ZNF697: variants seen among roughly 807,000 people sequenced by gnomAD.
ZNF697 encodes the protein zinc finger protein 697.
ZNF697 carries 23 observed loss-of-function variants against 32.4 expected under a neutral mutation model. That is an observed-to-expected ratio of 0.71 (90% CI 0.51 to 1.01). ZNF697 has a LOEUF of 1.01. Ranked by LOEUF, ZNF697 falls within the 50% of genes least tolerant of loss-of-function variation. ZNF697 has a pLI of 0.00. For missense variants in ZNF697, 930 were observed against 794.0 expected (o/e 1.17, Z -2.06); for synonymous variants, 418 against 337.2 (o/e 1.24, Z -2.62).
In ZNF697 at chr1:119,620,067, T is replaced by C. The variant is rs1462165329; in HGVS notation, c.*2638A>G. The C allele has an allele frequency of 6.6e-6, 1 of 152,614 alleles. No individual in the cohort carries two copies. Among genetic ancestry groups the C allele is most frequent in the Non-Finnish European group, 1.5e-5 (1 of 68,030 alleles). 9.5% of individuals were successfully genotyped at this position (152,614 alleles called of 1,614,324 possible). ...CCTCACTTAATGCAGGTAAGTTCCC[T>C]GAAGAATTGTAAGAAAAAATGGAAT... On this transcript the variant is annotated 3_prime_UTR_variant, in exon 3 of 3. Coordinates refer to ENST00000421812, the MANE Select transcript of ZNF697 (RefSeq NM_001080470.2).
intron 1 of ZNF697, among the ~76,000 whole-genome samples, chr1:119,639,905 T>C (rs866048656): frequency 1.3e-5 from 2 of 152,172 alleles, no homozygotes; most frequent in Non-Finnish European, 2.9e-5. Context: ...ACGACCTGTG[T>C]GAATCCAGTC....
intron 1 of ZNF697, among the ~76,000 whole-genome samples, chr1:119,631,495 G>A (rs1212386355): frequency 6.6e-6 from 1 of 152,248 alleles, no homozygotes; most frequent in Non-Finnish European, 1.5e-5. Flanking sequence ...ACTGGAAGAG[G>A]AAGGCCAGTT....
At position 119,623,510 on chromosome 1, in the gene ZNF697, T is replaced by G. The variant is rs1648437879; in HGVS notation, c.833A>C (p.Asn278Thr). 6.4e-7 allele frequency: 1 copy of G among 1,569,440 alleles called. No homozygotes were observed. Among genetic ancestry groups the G allele is most frequent in the Non-Finnish European group, 8.6e-7 (1 of 1,159,184 alleles). Residue 278 changes from asparagine to threonine, a missense_variant, in exon 3 of 3, where the codon AAC becomes ACC. Asn to Thr is a moderately conservative substitution (Grantham distance 65, BLOSUM62 0). Transcript: ENST00000421812. ...CTCGCCCGTGTGCAGGCGCAGGTGGTTGGTCAGGTAGGTGTTGCGGCTGAA... is the reference window on the plus strand; with the variant it reads ...CTCGCCCGTGTGCAGGCGCAGGTGGGTGGTCAGGTAGGTGTTGCGGCTGAA... ...KGFSRNTYLT[N>T]HLRLHTGERP...
In ZNF697 at chr1:119,621,982, G is replaced by C. The variant is rs1648336142; in HGVS notation, c.*723C>G. The stretch of plus-strand genomic sequence containing the variant: ...ACCACCTTGACCCAGCATGAAGCTA[G>C]AGTATTTTCAAGGAAGTAGCAAAGA... On this transcript the variant is annotated 3_prime_UTR_variant, in exon 3 of 3. Coordinates refer to ENST00000421812, the MANE Select transcript of ZNF697 (RefSeq NM_001080470.2). 1.3e-5 allele frequency: 2 copies of C among 152,732 alleles called. No homozygotes were observed. The highest frequency in any genetic ancestry group is 4.1e-4 in the South Asian group (2 of 4,826). 9.5% of individuals were successfully genotyped at this position (152,732 alleles called of 1,614,324 possible).
At chr1:119,636,480 A>G (rs1648925446) in intron 1 of ZNF697, among the ~76,000 whole-genome samples, 1 of 152,222 alleles carries the variant, frequency 6.6e-6, no homozygotes, top group Non-Finnish European at 1.5e-5. Flanking sequence ...ACTATATGCC[A>G]CAAGATCTTT....
intron 1 of ZNF697, among the ~76,000 whole-genome samples, chr1:119,627,610 C>A (rs2101082926): frequency 6.6e-6 from 1 of 152,322 alleles, no homozygotes; most frequent in South Asian, 2.1e-4. Flanking sequence ...GCTAGCCCCT[C>A]TGTAATTTTG....
chr1:119,643,983 A>G (rs1197663688), intron 1 of ZNF697, among the ~76,000 whole-genome samples: 2 of 152,206 alleles, frequency 1.3e-5, no homozygotes, highest in Admixed American at 6.5e-5. Flanking sequence ...TCGTGCCTCC[A>G]TTTCTGCATT....
rs1326300309 is a variant in ZNF697, at chr1:119,624,113, C to T, written c.230G>A (p.Gly77Glu). The T allele has an allele frequency of 1.9e-6, 3 of 1,557,786 alleles. No homozygotes were observed. Among genetic ancestry groups the T allele is most frequent in the Non-Finnish European group, 2.6e-6 (3 of 1,149,738 alleles). The change falls in exon 3 of 3, where the codon GGG becomes GAG. Residue 77 changes from glycine to glutamate, a missense_variant. Gly to Glu is a moderately conservative substitution (Grantham distance 98). Coordinates refer to ENST00000421812, the MANE Select transcript of ZNF697 (RefSeq NM_001080470.2). The part of the protein sequence containing the change: ...REAVPDICTE[G>E]QLSEEEGVSV... ...AACGCCTTCTTCCTCACTCAGCTGC[C>T]CCTCTGCAACAGAAAAAGGTGGCAG...
rs1648258295 is a variant in ZNF697 at position 119,619,991 on chromosome 1, A to C, written c.*2714T>G. 1 of 134,272 alleles carries C rather than the reference A, an allele frequency of 7.4e-6. No individual in the cohort carries two copies. Among genetic ancestry groups the C allele is most frequent in the East Asian group, 2.2e-4 (1 of 4,462 alleles). The allele number at this position is 134,272 out of a possible 1,614,324, so 8.3% of individuals were successfully genotyped here. Reference sequence around the variant, plus strand: ...AGTTAGCAGGGTTTGCCGAAGAAATATTATTCTAAAACTAGATAGAAGAAA... The same window carrying C: ...AGTTAGCAGGGTTTGCCGAAGAAATCTTATTCTAAAACTAGATAGAAGAAA... On this transcript the variant is annotated 3_prime_UTR_variant, in exon 3 of 3. Transcript: ENST00000421812.
chr1:119,631,600 C>T (rs1264939489), intron 1 of ZNF697, among the ~76,000 whole-genome samples: 1 of 151,948 alleles, frequency 6.6e-6, no homozygotes, highest in Non-Finnish European at 1.5e-5. Context: ...TTGGGCCCCG[C>T]TTGGGCCCCG....
rs756376584 is a variant in ZNF697, at chr1:119,623,045, C to A, written c.1298G>T (p.Gly433Val). The change falls in exon 3 of 3, where the codon GGT becomes GTT. Residue 433 changes from glycine (G) to valine (V), a missense_variant. Transcript: ENST00000421812. ...CTCGCGGCACACGTAGGGCCGCTCA[C>A]CCGAGTGCGTGCGCTTGTGCGTGAA... ...HLFTHKRTHSGERPYVCRECG... is the reference protein window; with the variant it reads ...HLFTHKRTHSVERPYVCRECG... 9 of 1,588,948 alleles carry A rather than the reference C, an allele frequency of 5.7e-6. No individual in the cohort carries two copies.
In ZNF697 at chr1:119,621,887, C is replaced by G. The variant is rs923388470; in HGVS notation, c.*818G>C. On this transcript the variant is annotated 3_prime_UTR_variant, in exon 3 of 3. Transcript: ENST00000421812. ...GCACTTAAAACACCACAGTTGAGACCTGAAAGAAATACTGGGTGTGGCACA... is the reference window on the plus strand; with the variant it reads ...GCACTTAAAACACCACAGTTGAGACGTGAAAGAAATACTGGGTGTGGCACA... The G allele has an allele frequency of 6.7e-6, 1 of 149,030 alleles. No homozygotes were observed. The highest frequency in any genetic ancestry group is 2.5e-5 in the African/African-American group (1 of 39,918). 9.2% of individuals were successfully genotyped at this position (149,030 alleles called of 1,614,324 possible). A position where few individuals can be genotyped will look rare whatever the true frequency, so the allele number is the denominator to read the frequency against.
At chr1:119,625,577 C>G (rs959531520) in intron 2 of ZNF697, among the ~76,000 whole-genome samples, 14 of 152,222 alleles carry the variant, frequency 9.2e-5, no homozygotes, top group Non-Finnish European at 1.6e-4. Flanking sequence ...GATTCTATTA[C>G]TAGCTGGGTA....
Position 119,620,429 on chromosome 1 carries a change from T to C in ZNF697, c.*2276A>G, listed in dbSNP as rs1231002060. 32 of 152,520 alleles carry C rather than the reference T, an allele frequency of 2.1e-4. No individual in the cohort carries two copies. Among genetic ancestry groups the C allele is most frequent in the Admixed American group, 2.1e-3 (32 of 15,274 alleles). 9.4% of individuals were successfully genotyped at this position (152,520 alleles called of 1,614,324 possible). A position where few individuals can be genotyped will look rare whatever the true frequency, so the allele number is the denominator to read the frequency against. On this transcript the variant is annotated 3_prime_UTR_variant, in exon 3 of 3. Coordinates refer to ENST00000421812, the MANE Select transcript of ZNF697 (RefSeq NM_001080470.2). ...TAATCAAAAGTTGGATGAGATTTCA[T>C]AGGCACAGACTTGAGAAAACTTAAA... is the stretch of plus-strand genomic sequence containing the variant.
intron 1 of ZNF697, among the ~76,000 whole-genome samples, chr1:119,633,308 TG>T (rs2101088412): frequency 6.6e-6 from 1 of 152,268 alleles, no homozygotes; most frequent in South Asian, 2.1e-4. Context: ...CTTTTCTTTT[TG>T]TTTTTGCACA....
chr1:119,623,048 G>A lies in ZNF697; in HGVS notation c.1295C>T (p.Ser432Leu), dbSNP rs2101076706. 1.3e-6 allele frequency: 2 copies of A among 1,587,242 alleles called. No homozygotes were observed. Among genetic ancestry groups the A allele is most frequent in the East Asian group, 4.6e-5 (2 of 43,238 alleles). ...SHLFTHKRTHSGERPYVCREC... is the reference protein window; with the variant it reads ...SHLFTHKRTHLGERPYVCREC... The stretch of plus-strand genomic sequence containing the variant: ...GCGGCACACGTAGGGCCGCTCACCC[G>A]AGTGCGTGCGCTTGTGCGTGAAGAG... Residue 432 changes from serine (S) to leucine (L), a missense_variant, in exon 3 of 3, where the codon TCG becomes TTG. By Grantham distance (145) the Ser-to-Leu change is moderately radical. Coordinates refer to ENST00000421812, the MANE Select transcript of ZNF697 (RefSeq NM_001080470.2).
At chr1:119,637,077 C>A (rs1261079509) in intron 1 of ZNF697, among the ~76,000 whole-genome samples, 3 of 152,200 alleles carry the variant, frequency 2.0e-5, no homozygotes, top group Non-Finnish European at 4.4e-5. Context: ...TTATTTAATC[C>A]TTCTCCTCTC....
intron 1 of ZNF697, among the ~76,000 whole-genome samples, chr1:119,643,422 C>A (rs1280591290): frequency 6.6e-6 from 1 of 152,202 alleles, no homozygotes; most frequent in Non-Finnish European, 1.5e-5. Context: ...TTCTCTGCAC[C>A]CTTGAGGTCA....
chr1:119,645,254 A>G (rs1328823687), intron 1 of ZNF697, among the ~76,000 whole-genome samples: 1 of 152,228 alleles, frequency 6.6e-6, no homozygotes, highest in Non-Finnish European at 1.5e-5. Context: ...GGTCTATGAG[A>G]AAGGCTCCAT....
Sources: gnomAD v4.1 joint callset for allele counts (sites outside exome capture counted in the v4.1 genomes callset) on GRCh38, gnomAD v4.1.1 for gene constraint, MANE v1.5 for transcripts, NCBI Gene and HGNC (gene_info 2026-07-23, HGNC 2026-07-21) for gene names.